The following GMEB2 variants were observed in gnomAD, a reference collection of about 807,000 sequenced individuals.
GMEB2 encodes glucocorticoid modulatory element-binding protein 2.
Under a neutral mutation model 45.7 loss-of-function variants are expected in GMEB2, and 7 were observed. That is an observed-to-expected ratio of 0.15 (90% CI 0.09 to 0.29). The LOEUF (loss-of-function observed/expected upper bound fraction) is 0.29. GMEB2 is among the 10% of genes least tolerant of loss of function. GMEB2 has a pLI of 1.00. For missense variants in GMEB2, 582 were observed against 739.2 expected (o/e 0.79, Z 2.47); for synonymous variants, 322 against 323.6 (o/e 1.00, Z 0.05).
chr20:63,617,892 C>G (rs764617183), intron 2 of GMEB2, among the ~76,000 whole-genome samples: 8 of 152,188 alleles, frequency 5.3e-5, no homozygotes, highest in Non-Finnish European at 8.8e-5. Flanking sequence ...AGCAGCCTCT[C>G]CCCAGGTCAG....
In GMEB2 at chr20:63,592,193, GA is replaced by G; in HGVS notation, c.830-50del. ...AGTGAGAGCCCAAGCCCTTCCTAGA[GA>G]GCCACGCGGACGCTCGGTGAGAGCC... On this transcript the variant is annotated intron_variant, in intron 8 of 9. Coordinates refer to ENST00000370077, the MANE Select transcript of GMEB2 (RefSeq NM_012384.5). The surrounding 1 kb of genome is among the most constrained non-coding windows in gnomAD (Gnocchi z 8.2). 6.3e-7 allele frequency: 1 copy of G among 1,577,780 alleles called. No homozygotes were observed. Among genetic ancestry groups the G allele is most frequent in the Admixed American group, 1.7e-5 (1 of 57,716 alleles).
At chr20:63,623,343 A>G (rs148583745) in intron 1 of GMEB2, among the ~76,000 whole-genome samples, 2,814 of 152,264 alleles carry the variant, frequency 0.018, 52 homozygotes, top group Admixed American at 0.021. Context: ...GGGTCTCTGA[A>G]GACTGTCTTC....
intron 9 of GMEB2, 42 bp downstream of exon 9, chr20:63,591,980 G>C: frequency 6.4e-7 from 1 of 1,568,064 alleles, no homozygotes; most frequent in Non-Finnish European, 8.7e-7. Context: ...CAGGTCCTCA[G>C]CCTACCGCCC....
rs751196902 is a variant in GMEB2, at chr20:63,595,620, G to A, written c.609C>T (p.Ala203=). The change falls in exon 6 of 10, where the codon GCC becomes GCT. Residue 203 remains alanine (A), a synonymous_variant. Coordinates refer to ENST00000370077, the MANE Select transcript of GMEB2 (RefSeq NM_012384.5). ...TSAEYIPLTP[A]AADVNGSPAT... is the part of the protein sequence containing the mutation. ...GCCCTGTGCACCTACCGTCGGCTGC[G>A]GCGGGCGTGAGGGGAATGTACTCGG... 30 of 1,608,568 alleles carry A rather than the reference G, an allele frequency of 1.9e-5. No homozygotes were observed. Among genetic ancestry groups the A allele is most frequent in the African/African-American group, 6.7e-5 (5 of 74,860 alleles).
At position 63,592,165 on chromosome 20, in the gene GMEB2, CTCAG is replaced by C; in HGVS notation, c.830-25_830-22del. The C allele has an allele frequency of 1.2e-6, 2 of 1,608,622 alleles. No homozygotes were observed. The highest frequency in any genetic ancestry group is 1.7e-6 in the Non-Finnish European group (2 of 1,177,526). On this transcript the variant is annotated intron_variant, in intron 8 of 9. Transcript: ENST00000370077. This position sits in a 1 kb window ranked among gnomAD's most constrained non-coding sequence, Gnocchi z 8.2. ...AGCATCTTAAAGGGTAACGCGGACA[CTCAG>C]TGAGAGCCCAAGCCCTTCCTAGAGA...
chr20:63,626,112 G>A (rs2089669596), intron 1 of GMEB2, among the ~76,000 whole-genome samples: 1 of 152,028 alleles, frequency 6.6e-6, no homozygotes, highest in South Asian at 2.1e-4. Context: ...GACCAACAGG[G>A]TCCACACCAC....
In GMEB2 at chr20:63,620,107, C is replaced by T. The variant is rs894524282; in HGVS notation, c.-57-653G>A. Among the ~76,000 whole-genome samples the T allele has an allele frequency of 2.6e-5, 4 of 152,200 alleles. No homozygotes were observed. In the South Asian group the frequency reaches 8.3e-4, roughly 32 times the overall value. ...GGATTACAGGTTTCACCATGTTGCC[C>T]AGGCTGGTCTCAAACTCCTGACCTC... On this transcript the variant is annotated intron_variant, in intron 1 of 9. Coordinates refer to ENST00000370077, the MANE Select transcript of GMEB2 (RefSeq NM_012384.5).
At chr20:63,603,226 T>C (rs2146068539) in intron 3 of GMEB2, 134 bp from the exon 4 acceptor site, 1 of 951,190 alleles carries the variant, frequency 1.1e-6, no homozygotes, top group South Asian at 1.6e-5. Context: ...AGGCCTGAGA[T>C]AGAGCCAAGG....
At position 63,588,898 on chromosome 20, in the gene GMEB2, A is replaced by G; in HGVS notation, c.*1191T>C. ...TGGTCTTCCTTGTGAGTCCAAGGCC[A>G]GGTCTCAGGACAGCCACAGACAGCC... On this transcript the variant is annotated 3_prime_UTR_variant, in exon 10 of 10. Coordinates refer to ENST00000370077, the MANE Select transcript of GMEB2 (RefSeq NM_012384.5). 4 of 398,664 alleles carry G rather than the reference A, an allele frequency of 1.0e-5. No individual in the cohort carries two copies. The highest frequency in any genetic ancestry group is 3.6e-5 in the East Asian group (1 of 28,090). 24.7% of individuals were successfully genotyped at this position (398,664 alleles called of 1,614,324 possible).
chr20:63,604,483 G>T (rs1261445106), intron 3 of GMEB2, among the ~76,000 whole-genome samples: 1 of 152,184 alleles, frequency 6.6e-6, no homozygotes, highest in Non-Finnish European at 1.5e-5. Context: ...ATCCAAAAGA[G>T]GAGAGAGCTG....
intron 2 of GMEB2, among the ~76,000 whole-genome samples, chr20:63,606,228 G>A (rs1371708682): frequency 2.0e-5 from 3 of 151,558 alleles, no homozygotes; most frequent in Admixed American, 1.3e-4. Context: ...TTTTTTACTT[G>A]TTTCAAAGTG....
intron 4 of GMEB2, among the ~76,000 whole-genome samples, chr20:63,600,168 G>A (rs568363425): frequency 6.6e-5 from 10 of 151,784 alleles, no homozygotes; most frequent in African/African-American, 1.9e-4. Flanking sequence ...TCAGCCTCCC[G>A]AGTAGCTGGG....
rs377311003 is a variant in GMEB2 at position 63,593,021 on chromosome 20, C to T, written c.681G>A (p.Ala227=). ...ETCEDPGDWT[A]AIGDDTFTFW... is the part of the protein sequence containing the mutation. The stretch of plus-strand genomic sequence containing the variant: ...GGAGGAACCTCGTACCTCCAATGGC[C>T]GCGGTCCAGTCGCCAGGGTCTTCAC... Residue 227 remains alanine, a synonymous_variant, in exon 7 of 10, where the codon GCG becomes GCA. Coordinates refer to ENST00000370077, the MANE Select transcript of GMEB2 (RefSeq NM_012384.5). The surrounding 1 kb of genome is among the most constrained non-coding windows in gnomAD (Gnocchi z 4.7). 2.3e-5 allele frequency: 37 copies of T among 1,608,940 alleles called. No individual in the cohort carries two copies. Among genetic ancestry groups the T allele is most frequent in the Middle Eastern group, 1.6e-4 (1 of 6,064 alleles).
intron 6 of GMEB2, among the ~76,000 whole-genome samples, chr20:63,595,296 GCC>G (rs2083186170): frequency 8.9e-6 from 1 of 112,422 alleles, no homozygotes; most frequent in Admixed American, 9.1e-5. Flanking sequence ...GAGGGAGGGG[GCC>G]GGGTGGGCGC....
In GMEB2 at chr20:63,597,744, C is replaced by A; in HGVS notation, c.461+13G>T. Reference sequence around the variant, plus strand: ...CCTTCCAGCAGGGAGGCTGACCCTGCGCCAGCGCCCACCTGAGCATGATGC... The same window carrying A: ...CCTTCCAGCAGGGAGGCTGACCCTGAGCCAGCGCCCACCTGAGCATGATGC... On this transcript the variant is annotated intron_variant, in intron 5 of 9. Transcript: ENST00000370077. The A allele has an allele frequency of 2.0e-6, 3 of 1,469,852 alleles. No individual in the cohort carries two copies. The highest frequency in any genetic ancestry group is 2.9e-6 in the Non-Finnish European group (3 of 1,048,564). 91.1% of individuals were successfully genotyped at this position (1,469,852 alleles called of 1,614,324 possible).
At chr20:63,606,213 A>C (rs2089517890) in intron 2 of GMEB2, among the ~76,000 whole-genome samples, 1 of 152,202 alleles carries the variant, frequency 6.6e-6, no homozygotes, top group African/African-American at 2.4e-5. Flanking sequence ...GGAAAAAAAT[A>C]AGTTTTTTTT....
At chr20:63,603,168 A>G (rs2083253782) in intron 3 of GMEB2, 76 bp from the exon 4 acceptor site, 1 of 1,508,002 alleles carries the variant, frequency 6.6e-7, no homozygotes, top group Admixed American at 1.9e-5. Context: ...TTTCCTGAAA[A>G]TGCAGAAAAT....
Position 63,589,801 on chromosome 20 carries a change from T to G in GMEB2, c.*288A>C. 1 of 306,234 alleles carries G rather than the reference T, an allele frequency of 3.3e-6. No homozygotes were observed. Among genetic ancestry groups the G allele is most frequent in the East Asian group, 5.2e-5 (1 of 19,312 alleles). The allele number at this position is 306,234 out of a possible 1,614,324, so 19.0% of individuals were successfully genotyped here. A position where few individuals can be genotyped will look rare whatever the true frequency, so the allele number is the denominator to read the frequency against. ...TAGCCCCCGCCCACCTGGCTCCTGA[T>G]CAAGGCCCAATGTGTAAACAGTATT... On this transcript the variant is annotated 3_prime_UTR_variant, in exon 10 of 10. Transcript: ENST00000370077.
At position 63,590,012 on chromosome 20, in the gene GMEB2, G is replaced by A; in HGVS notation, c.*77C>T. On this transcript the variant is annotated 3_prime_UTR_variant, in exon 10 of 10. Coordinates refer to ENST00000370077, the MANE Select transcript of GMEB2 (RefSeq NM_012384.5). ...CCCACCTGCCCGAGCCAGCCCTGCGGCCTCTGCCCGCTCCCTGCTGCCGCG... is the reference window on the plus strand; with the variant it reads ...CCCACCTGCCCGAGCCAGCCCTGCGACCTCTGCCCGCTCCCTGCTGCCGCG... 7.5e-7 allele frequency: 1 copy of A among 1,339,438 alleles called. No individual in the cohort carries two copies. The allele number at this position is 1,339,438 out of a possible 1,614,324, so 83.0% of individuals were successfully genotyped here.
Sources: allele counts gnomAD v4.1 joint callset (sites outside exome capture counted in the v4.1 genomes callset), GRCh38; gene constraint gnomAD v4.1.1; non-coding constraint Gnocchi (gnomAD v3.1); transcripts MANE v1.5; gene names NCBI Gene and HGNC (gene_info 2026-07-23, HGNC 2026-07-21).